The following MAGI2 variants were observed in gnomAD, a reference collection of about 807,000 sequenced individuals.
MAGI2 encodes the protein membrane-associated guanylate kinase, WW and PDZ domain-containing protein 2.
MAGI2 carries 35 observed loss-of-function variants against 133.3 expected under a neutral mutation model. The observed-to-expected ratio is 0.26, with a 90% CI of 0.20 to 0.35. The LOEUF is 0.35. Among genes scored for constraint, MAGI2 ranks in the 10% least tolerant of loss-of-function variants. The pLI is 1.00. For synonymous variants in MAGI2, 729 were observed against 710.6 expected (o/e 1.03, Z -0.41); for missense variants, 1,636 against 1,863.4 (o/e 0.88, Z 2.25).
chr7:78,562,858 CTTCTGCTACTGAATTT>C (rs1227881730), intron 3 of MAGI2, among the ~76,000 whole-genome samples: 1 of 152,152 alleles, frequency 6.6e-6, no homozygotes, highest in Non-Finnish European at 1.5e-5. Context: ...CTCTTCTAGT[CTTCTGCTACTGAATTT>C]TTGCTTTGCA....
chr7:78,659,041 C>A (rs1812621648), intron 2 of MAGI2, among the ~76,000 whole-genome samples: 1 of 152,122 alleles, frequency 6.6e-6, no homozygotes, highest in South Asian at 2.1e-4. Context: ...TTTGTAATAA[C>A]CCCAAACTAG....
At chr7:78,727,526 G>A (rs1563417710) in intron 2 of MAGI2, among the ~76,000 whole-genome samples, 1 of 152,150 alleles carries the variant, frequency 6.6e-6, no homozygotes, top group Non-Finnish European at 1.5e-5. Flanking sequence ...GGATGCAAAT[G>A]CACAAGTCAT....
At chr7:78,090,407 C>A (rs1817071310) in intron 20 of MAGI2, among the ~76,000 whole-genome samples, 1 of 152,016 alleles carries the variant, frequency 6.6e-6, no homozygotes, top group Non-Finnish European at 1.5e-5. Context: ...GCAGTGGGGA[C>A]AAATTGATTA....
chr7:79,424,149 C>A (rs116689171), intron 1 of MAGI2, among the ~76,000 whole-genome samples: 1,618 of 152,118 alleles, frequency 0.011, 20 homozygotes, highest in African/African-American at 0.037. Context: ...TAGCTAGTGT[C>A]CATGTGCAGT....
chr7:78,542,247 A>T (rs141805202), intron 3 of MAGI2, among the ~76,000 whole-genome samples: 4 of 152,306 alleles, frequency 2.6e-5, no homozygotes, highest in African/African-American at 9.6e-5. Context: ...TCCACAGGTT[A>T]TAGTTTTCCA....
chr7:78,796,194 G>A (rs1370557646), intron 2 of MAGI2, among the ~76,000 whole-genome samples: 1 of 152,094 alleles, frequency 6.6e-6, no homozygotes, highest in Non-Finnish European at 1.5e-5. Context: ...AAAGTGAAGA[G>A]ATAACCTACA....
intron 4 of MAGI2, among the ~76,000 whole-genome samples, chr7:78,506,543 AAAAGAG>A (rs1328015949): frequency 1.3e-5 from 2 of 152,338 alleles, no homozygotes; most frequent in African/African-American, 4.8e-5. Context: ...ATGGACTGGT[AAAAGAG>A]AAGAGGAAAG....
At position 78,019,494 on chromosome 7, in the gene MAGI2, T is replaced by TGCCGCC. The variant is rs797045686; in HGVS notation, c.4183_4188dup (p.Gly1395_Gly1396dup). 6.1e-6 allele frequency: 6 copies of TGCCGCC among 979,496 alleles called. No homozygotes were observed. The highest frequency in any genetic ancestry group is 1.3e-4 in the Admixed American group (2 of 15,664). The allele number at this position is 979,496 out of a possible 1,614,324, so 60.7% of individuals were successfully genotyped here. A position where few individuals can be genotyped will look rare whatever the true frequency, so the allele number is the denominator to read the frequency against. On this transcript the variant is annotated inframe_insertion, in exon 22 of 22. Transcript: ENST00000354212. ...CTGCCCTCGGCCTCCAGCGCGCCGC[T>TGCCGCC]GCCGCCGCCGCCCGGGCCGGCAAAC...
intron 3 of MAGI2, among the ~76,000 whole-genome samples, chr7:78,535,719 C>G (rs1329609245): frequency 6.6e-6 from 1 of 152,104 alleles, no homozygotes; most frequent in African/African-American, 2.4e-5. Flanking sequence ...CTTTGCAGGA[C>G]TAACAAATTA....
chr7:78,127,324 C>G lies in MAGI2; in HGVS notation c.3296G>C (p.Arg1099Thr), dbSNP rs994709381. 6.2e-7 allele frequency: 1 copy of G among 1,612,048 alleles called. No homozygotes were observed. The highest frequency in any genetic ancestry group is 1.7e-5 in the Admixed American group (1 of 59,996). Residue 1099 changes from arginine (R) to threonine (T), a missense_variant, in exon 19 of 22, where the codon AGG becomes ACG. Physicochemically the swap from Arg to Thr is moderately conservative, Grantham distance 71 (BLOSUM62 -1). Transcript: ENST00000354212. ...CTGGTAGTCCCCTCCTGGGGGTTGC[C>G]TGTAATCCAGCGGGGGCTGCCTGTA... The part of the protein sequence containing the change: ...TDYRQPPLDY[R>T]QPPGGDYQQP...
chr7:78,434,391 G>A (rs930176896), intron 6 of MAGI2, among the ~76,000 whole-genome samples: 2 of 152,178 alleles, frequency 1.3e-5, no homozygotes, highest in Non-Finnish European at 2.9e-5. Context: ...CTAGCTTTTG[G>A]AGAAGAGATG....
intron 7 of MAGI2, among the ~76,000 whole-genome samples, chr7:78,354,454 C>T (rs1170357916): frequency 1.3e-5 from 2 of 152,100 alleles, no homozygotes; most frequent in Non-Finnish European, 2.9e-5. Flanking sequence ...GCAAAGGCAA[C>T]ATCACTGATG....
At chr7:78,975,784 G>T (rs1479824142) in intron 2 of MAGI2, among the ~76,000 whole-genome samples, 1 of 150,984 alleles carries the variant, frequency 6.6e-6, no homozygotes, top group Non-Finnish European at 1.5e-5. Context: ...AATTAATCAA[G>T]AAAAAAAGGG....
At chr7:78,451,503 A>G (rs10485891) in intron 6 of MAGI2, among the ~76,000 whole-genome samples, 38,547 of 151,902 alleles carry the variant, frequency 0.25, 5,064 homozygotes, top group East Asian at 0.41. Context: ...CAGAAGTAAT[A>G]TGAGTAGTGG....
intron 2 of MAGI2, among the ~76,000 whole-genome samples, chr7:78,909,576 C>G (rs1798249337): frequency 7.1e-6 from 1 of 141,290 alleles, no homozygotes; most frequent in Non-Finnish European, 1.5e-5. Flanking sequence ...GCACTCCAGC[C>G]TGGGCTACAG....
chr7:78,744,820 CA>C (rs1234361539), intron 2 of MAGI2, among the ~76,000 whole-genome samples: 1 of 152,044 alleles, frequency 6.6e-6, no homozygotes, highest in Non-Finnish European at 1.5e-5. Context: ...AAAAAATAGA[CA>C]TGCAAAAATC....
At chr7:78,315,087 C>T (rs1166962836) in intron 9 of MAGI2, among the ~76,000 whole-genome samples, 1 of 152,188 alleles carries the variant, frequency 6.6e-6, no homozygotes, top group East Asian at 1.9e-4. Context: ...CTGAGACCTA[C>T]TGTCACATTT....
At chr7:78,913,174 G>A (rs180732664) in intron 2 of MAGI2, among the ~76,000 whole-genome samples, 7 of 152,190 alleles carry the variant, frequency 4.6e-5, no homozygotes, top group Admixed American at 3.3e-4. Context: ...GTTTGGCTCT[G>A]TGTCCCTGTC....
At chr7:79,246,517 A>C (rs1832830087) in intron 1 of MAGI2, among the ~76,000 whole-genome samples, 1 of 152,222 alleles carries the variant, frequency 6.6e-6, no homozygotes, top group South Asian at 2.1e-4. Context: ...CATACTGAAC[A>C]ATGCATCAAA....
Sources: gnomAD v4.1 joint callset for allele counts (sites outside exome capture counted in the v4.1 genomes callset) on GRCh38, gnomAD v4.1.1 for gene constraint, MANE v1.5 for transcripts, NCBI Gene and HGNC (gene_info 2026-07-23, HGNC 2026-07-21) for gene names.